The following VGLL1 variants were observed in gnomAD, a reference collection of about 807,000 sequenced individuals.
The protein encoded by VGLL1 is vestigial like family member 1.
VGLL1 carries 4 observed loss-of-function variants against 12.0 expected under a neutral mutation model. That is an observed-to-expected ratio of 0.33 (90% CI 0.16 to 0.76). The LOEUF (loss-of-function observed/expected upper bound fraction) is 0.76. VGLL1 is among the 30% of genes least tolerant of loss of function. The probability of loss-of-function intolerance (pLI) is 0.60; values close to 1 mark genes in which losing one functional copy is unlikely to be tolerated. For synonymous variants in VGLL1, 87 were observed against 81.2 expected (o/e 1.07, Z -0.39); for missense variants, 204 against 208.7 (o/e 0.98, Z 0.14).
At chrX:136,554,469 T>C (rs754895552) in intron 4 of VGLL1, among the ~76,000 whole-genome samples, 10 of 109,933 alleles carry the variant, frequency 9.1e-5, no homozygotes, top group Non-Finnish European at 1.7e-4. Context: ...AGGGGCCAGG[T>C]GGTGCAGGGG....
chrX:136,550,857 T>A, intron 4 of VGLL1, 36 bp downstream of exon 4: 1 of 1,163,188 alleles, frequency 8.6e-7, no homozygotes, highest in Non-Finnish European at 1.2e-6. Flanking sequence ...GGTGTGTGTC[T>A]GTATCCTGAG....
intron 1 of VGLL1, among the ~76,000 whole-genome samples, chrX:136,532,594 T>TTTCC (rs2075826224): frequency 1.5e-5 from 1 of 66,258 alleles, no homozygotes; most frequent in African/African-American, 5.9e-5. Context: ...TCTTTCTTTC[T>TTTCC]TTCTTTCTTT....
chrX:136,553,996 A>C (rs1270011159), intron 4 of VGLL1, among the ~76,000 whole-genome samples: 1 of 112,635 alleles, frequency 8.9e-6, no homozygotes, highest in Non-Finnish European at 1.9e-5. Context: ...GGCTACAAAT[A>C]ATAATAACAG....
intron 2 of VGLL1, among the ~76,000 whole-genome samples, chrX:136,546,903 G>A (rs1386454289): frequency 8.9e-6 from 1 of 112,744 alleles, no homozygotes; most frequent in Admixed American, 9.3e-5. Flanking sequence ...TCTTGCCTTT[G>A]GTTTCATAAG....
At position 136,548,514 on chromosome X, in the gene VGLL1, T is replaced by C. The variant is rs970840566; in HGVS notation, c.215-75T>C. Reference sequence around the variant, plus strand: ...CCTTCAAGTTAAAAAAAATAGAGTATGTATTAAAAAAAAAACTACATCCAT... The same window carrying C: ...CCTTCAAGTTAAAAAAAATAGAGTACGTATTAAAAAAAAAACTACATCCAT... On this transcript the variant is annotated intron_variant, in intron 2 of 4. Transcript: ENST00000370634. 7.9e-6 allele frequency: 8 copies of C among 1,010,601 alleles called. No homozygotes were observed. The East Asian group carries it at 2.5e-4, about 31-fold the overall frequency. The allele number at this position is 1,010,601 out of a possible 1,213,427, so 83.3% of individuals were successfully genotyped here.
chrX:136,546,417 AC>A (rs2075869832), intron 2 of VGLL1, among the ~76,000 whole-genome samples: 1 of 111,426 alleles, frequency 9.0e-6, no homozygotes, highest in Non-Finnish European at 1.9e-5. Flanking sequence ...TCCCCAGGCC[AC>A]CCAAGGCCCG....
At chrX:136,540,221 G>T (rs995574002) in intron 2 of VGLL1, among the ~76,000 whole-genome samples, 1 of 111,654 alleles carries the variant, frequency 9.0e-6, no homozygotes, top group Non-Finnish European at 1.9e-5. Context: ...CCCTCTGACA[G>T]CTTCCCATGT....
chrX:136,549,507 C>A (rs1267312088), intron 3 of VGLL1, among the ~76,000 whole-genome samples: 1 of 110,872 alleles, frequency 9.0e-6, no homozygotes, highest in Admixed American at 9.6e-5. Context: ...CTGTAGGAGG[C>A]AGCCCCATTG....
intron 4 of VGLL1, among the ~76,000 whole-genome samples, chrX:136,554,642 G>A (rs1435041722): frequency 8.9e-6 from 1 of 112,142 alleles, no homozygotes; most frequent in Non-Finnish European, 1.9e-5. Flanking sequence ...GAGGCAAGAA[G>A]CATGAGAGGA....
intron 4 of VGLL1, among the ~76,000 whole-genome samples, chrX:136,556,085 A>G (rs2075900291): frequency 8.9e-6 from 1 of 111,753 alleles, no homozygotes; most frequent in African/African-American, 3.3e-5. Flanking sequence ...AAAGTTTGAA[A>G]AGAAGCTGAA....
chrX:136,538,419 G>T (rs1368083946), intron 2 of VGLL1, among the ~76,000 whole-genome samples: 1 of 112,169 alleles, frequency 8.9e-6, no homozygotes, highest in Non-Finnish European at 1.9e-5. Context: ...ACTATTAATG[G>T]GTCCTAGGCA....
intron 2 of VGLL1, among the ~76,000 whole-genome samples, 197 bp from the exon 3 acceptor site, chrX:136,548,392 A>G (rs2148532595): frequency 8.9e-6 from 1 of 111,791 alleles, no homozygotes; most frequent in South Asian, 3.8e-4. Flanking sequence ...TGCATACATG[A>G]ATAGAAACCA....
At chrX:136,553,220 A>C (rs1294183735) in intron 4 of VGLL1, among the ~76,000 whole-genome samples, 1 of 107,692 alleles carries the variant, frequency 9.3e-6, no homozygotes, top group Non-Finnish European at 1.9e-5. Context: ...CCACCTGGGG[A>C]GCTTGTTCAC....
Position 136,548,741 on chromosome X carries a change from G to T in VGLL1, c.367G>T (p.Ala123Ser). 2 of 1,211,959 alleles carry T rather than the reference G, an allele frequency of 1.7e-6. No individual in the cohort carries two copies. Among genetic ancestry groups the T allele is most frequent in the African/African-American group, 1.7e-5 (1 of 57,803 alleles). ...NQFSPSLARR[A>S]SVRPGELWHF... The stretch of plus-strand genomic sequence containing the variant: ...GTTCTCACCGTCCCTGGCTAGGAGG[G>T]CCTCTGTTCGGCCTGGGGAGCTGTG... The change falls in exon 3 of 5, where the codon GCC becomes TCC. Residue 123 changes from alanine (A) to serine (S), a missense_variant. Transcript: ENST00000370634.
At chrX:136,550,210 C>T (rs185749394) in intron 3 of VGLL1, among the ~76,000 whole-genome samples, 1 of 112,675 alleles carries the variant, frequency 8.9e-6, no homozygotes, top group Admixed American at 9.4e-5. Context: ...AAAGTCCTTT[C>T]CTACTGGATT....
At chrX:136,534,545 A>G (rs1018768450) in intron 1 of VGLL1, among the ~76,000 whole-genome samples, 3 of 112,472 alleles carry the variant, frequency 2.7e-5, no homozygotes, top group African/African-American at 9.7e-5. Context: ...TAATTTATTT[A>G]TTCTCCTGGT....
chrX:136,541,687 A>G, intron 2 of VGLL1, among the ~76,000 whole-genome samples: 1 of 112,105 alleles, frequency 8.9e-6, no homozygotes, highest in Non-Finnish European at 1.9e-5. Flanking sequence ...TCCAAGGAGA[A>G]CAGGCTCCCA....
At chrX:136,541,480 C>T (rs1189013428) in intron 2 of VGLL1, among the ~76,000 whole-genome samples, 1 of 112,666 alleles carries the variant, frequency 8.9e-6, no homozygotes, top group Non-Finnish European at 1.9e-5. Flanking sequence ...TCAAGTTTCT[C>T]ATAAGCTCTG....
chrX:136,556,531 C>A lies in VGLL1; in HGVS notation c.769C>A (p.His257Asn). 8.3e-7 allele frequency: 1 copy of A among 1,208,472 alleles called. No homozygotes were observed. Among genetic ancestry groups the A allele is most frequent in the Non-Finnish European group, 1.1e-6 (1 of 892,659 alleles). Residue 257 changes from histidine (H) to asparagine (N), a missense_variant, in exon 5 of 5, where the codon CAT becomes AAT. His to Asn is a moderately conservative substitution (Grantham distance 68). Coordinates refer to ENST00000370634, the MANE Select transcript of VGLL1 (RefSeq NM_016267.4). ...HWGHPHRYLQ[H>N]L The stretch of plus-strand genomic sequence containing the variant: ...GGGCCACCCACATCGATACCTGCAG[C>A]ATCTTTAGTCAAGTTGGAGGAGAAA...
Sources: gnomAD v4.1 joint callset for allele counts (sites outside exome capture counted in the v4.1 genomes callset) on GRCh38, gnomAD v4.1.1 for gene constraint, MANE v1.5 for transcripts, NCBI Gene and HGNC (gene_info 2026-07-23, HGNC 2026-07-21) for gene names.